C2CD3: variants seen among roughly 807,000 people sequenced by gnomAD.
The protein encoded by C2CD3 is C2 domain-containing protein 3.
C2CD3 carries 148 observed loss-of-function variants against 234.0 expected under a neutral mutation model. The ratio of observed to expected loss-of-function variants is 0.63; its 90% CI spans 0.55 to 0.72. The LOEUF is 0.72. Ranked by LOEUF, C2CD3 falls within the 30% of genes least tolerant of loss-of-function variation. C2CD3 has a pLI of 0.00. For missense variants in C2CD3, 2,577 were observed against 2,811.5 expected (o/e 0.92, Z 1.89); for synonymous variants, 1,000 against 1,035.4 (o/e 0.97, Z 0.66).
At position 74,060,577 on chromosome 11, in the gene C2CD3, T is replaced by C. The variant is rs368048326; in HGVS notation, c.4952-3033A>G. ...GGGTCCTGAAAGTTAGAAGGAAAAC[T>C]AACAAACAGAAAGGACATCCACACC... On this transcript the variant is annotated intron_variant, in intron 24 of 32. Coordinates refer to ENST00000334126, the MANE Select transcript of C2CD3 (RefSeq NM_001286577.2). 4.6e-5 allele frequency among the ~76,000 whole-genome samples: 7 copies of C among 152,224 alleles called. No individual in the cohort carries two copies. The South Asian group carries it at 1.5e-3, about 32-fold the overall frequency.
intron 26 of C2CD3, among the ~76,000 whole-genome samples, chr11:74,049,776 T>A (rs1953584425): frequency 6.6e-6 from 1 of 152,116 alleles, no homozygotes; most frequent in African/African-American, 2.4e-5. Context: ...CTTCATTCTC[T>A]CTCTCTCTCT....
In C2CD3 at chr11:74,098,224, C is replaced by T. The variant is rs745716071; in HGVS notation, c.2764G>A (p.Ala922Thr). ...TCGACAGCAACAACTGGGTACTGGGCATCCAGCAGCAGGCGAGAAATCTTA... is the reference window on the plus strand; with the variant it reads ...TCGACAGCAACAACTGGGTACTGGGTATCCAGCAGCAGGCGAGAAATCTTA... ...DAKISRLLLD[A>T]QYPVVAVDSY... Residue 922 changes from alanine to threonine, a missense_variant, in exon 16 of 33, where the codon GCC (alanine) becomes ACC (threonine). By Grantham distance (58) the Ala-to-Thr change is moderately conservative (BLOSUM62 0). Coordinates refer to ENST00000334126, the MANE Select transcript of C2CD3 (RefSeq NM_001286577.2). 6.2e-7 allele frequency: 1 copy of T among 1,614,078 alleles called. No homozygotes were observed. Among genetic ancestry groups the T allele is most frequent in the South Asian group, 1.1e-5 (1 of 91,074 alleles).
intron 30 of C2CD3, chr11:74,036,584 A>C: frequency 2.2e-6 from 1 of 450,294 alleles, no homozygotes; most frequent in South Asian, 1.6e-5. Flanking sequence ...ATCCCTGTGT[A>C]GAATCTACAC....
At position 74,114,451 on chromosome 11, in the gene C2CD3, G is replaced by C; in HGVS notation, c.1663C>G (p.Pro555Ala). Residue 555 changes from proline to alanine, a missense_variant, in exon 10 of 33, where the codon CCT becomes GCT. Transcript: ENST00000334126. ...IETMGVPPDS[P>A]QMTPGKKSYA... The stretch of plus-strand genomic sequence containing the variant: ...CTTTTTTTGCCAGGGGTCATCTGAG[G>C]ACTATCTGGAGGAACTCCCATGGTT... 2 of 1,614,040 alleles carry C rather than the reference G, an allele frequency of 1.2e-6. No individual in the cohort carries two copies. Among genetic ancestry groups the C allele is most frequent in the Non-Finnish European group, 1.7e-6 (2 of 1,179,956 alleles).
At chr11:74,028,012 G>T (rs1362129747) in intron 32 of C2CD3, among the ~76,000 whole-genome samples, 1 of 152,098 alleles carries the variant, frequency 6.6e-6, no homozygotes, top group Non-Finnish European at 1.5e-5. Flanking sequence ...ACATTTCTTA[G>T]CTGCCTCTTG....
intron 32 of C2CD3, among the ~76,000 whole-genome samples, chr11:74,024,839 T>C (rs377737545): frequency 6.6e-6 from 1 of 152,164 alleles, no homozygotes; most frequent in African/African-American, 2.4e-5. Context: ...GAGAGGCCCA[T>C]CACTAGCCAG....
At chr11:74,056,152 G>A (rs1028582987) in intron 25 of C2CD3, among the ~76,000 whole-genome samples, 2 of 152,164 alleles carry the variant, frequency 1.3e-5, no homozygotes, top group Non-Finnish European at 2.9e-5. Flanking sequence ...CTGAACCTGT[G>A]ACCAACTGCT....
rs200255373 is a variant in C2CD3 at position 74,085,664 on chromosome 11, C to T, written c.3864G>A (p.Glu1288=). 159 of 1,614,134 alleles carry T rather than the reference C, an allele frequency of 9.9e-5. No homozygotes were observed. Among genetic ancestry groups the T allele is most frequent in the Admixed American group, 8.7e-4 (52 of 60,020 alleles). ...GEACFLAELL[E]FAEVIFAVYH... ...AGACAGCAAAAATAACTTCTGCAAACTCCAACAACTCTGCTAGGAAACAGG... is the reference window on the plus strand; with the variant it reads ...AGACAGCAAAAATAACTTCTGCAAATTCCAACAACTCTGCTAGGAAACAGG... Residue 1288 remains glutamate (E), a synonymous_variant, in exon 21 of 33, where the codon GAG becomes GAA. Coordinates refer to ENST00000334126, the MANE Select transcript of C2CD3 (RefSeq NM_001286577.2).
intron 24 of C2CD3, among the ~76,000 whole-genome samples, chr11:74,073,043 G>A (rs921053807): frequency 1.5e-4 from 23 of 152,210 alleles, no homozygotes; most frequent in African/African-American, 4.3e-4. Flanking sequence ...GAAGGGTGAC[G>A]GCAAAGGGGA....
intron 2 of C2CD3, among the ~76,000 whole-genome samples, chr11:74,162,430 A>C (rs1038555797): frequency 5.3e-5 from 8 of 152,192 alleles, no homozygotes; most frequent in Non-Finnish European, 1.0e-4. Flanking sequence ...CATACCTTTA[A>C]AATGTTTTAC....
At chr11:74,031,557 G>A (rs187012079) in intron 31 of C2CD3, among the ~76,000 whole-genome samples, 90 of 152,250 alleles carry the variant, frequency 5.9e-4, no homozygotes, top group African/African-American at 1.8e-3. Context: ...ATGGTCCCTC[G>A]CGTTCTGTCC....
chr11:74,104,438 C>T (rs1262168721), intron 13 of C2CD3, among the ~76,000 whole-genome samples: 3 of 151,758 alleles, frequency 2.0e-5, no homozygotes, highest in Non-Finnish European at 2.9e-5. Flanking sequence ...AAAATATAAA[C>T]TAAAGAATTT....
At chr11:74,153,231 A>AAAACAAAACAAAACAAAACC (rs1311759285) in intron 3 of C2CD3, among the ~76,000 whole-genome samples, 3 of 151,908 alleles carry the variant, frequency 2.0e-5, no homozygotes, top group African/African-American at 7.3e-5. Context: ...AAAACAAAAC[A>AAAACAAAACAAAACAAAACC]AAACAAAACA....
chr11:74,136,275 G>C (rs79748541), intron 5 of C2CD3, among the ~76,000 whole-genome samples: 1 of 152,150 alleles, frequency 6.6e-6, no homozygotes, highest in African/African-American at 2.4e-5. Context: ...AACTCAGACC[G>C]AGTTGAAATC....
chr11:74,040,900 A>ACACACACG (rs1953008076), intron 29 of C2CD3, among the ~76,000 whole-genome samples: 2 of 146,126 alleles, frequency 1.4e-5, no homozygotes, highest in African/African-American at 2.8e-5. Context: ...TCTATCACAC[A>ACACACACG]CACACACGCA....
chr11:74,024,937 C>T (rs182903178), intron 32 of C2CD3, among the ~76,000 whole-genome samples: 18 of 152,124 alleles, frequency 1.2e-4, no homozygotes, highest in Non-Finnish European at 2.5e-4. Context: ...ACTGGTCATC[C>T]GAACCAGGAC....
intron 3 of C2CD3, among the ~76,000 whole-genome samples, chr11:74,150,492 CAAAAAAAAAAA>C (rs769668218): frequency 6.2e-5 from 1 of 16,246 alleles, no homozygotes; most frequent in Non-Finnish European, 1.1e-4. Flanking sequence ...GACCCTGTCT[CAAAAAAAAAAA>C]AAAAAAAAAA....
intron 29 of C2CD3, among the ~76,000 whole-genome samples, chr11:74,040,713 G>A (rs1291558049): frequency 2.0e-5 from 3 of 151,930 alleles, no homozygotes; most frequent in Non-Finnish European, 4.4e-5. Context: ...CCGAGATTGC[G>A]CCACTGCACT....
chr11:74,131,564 T>A (rs17132733), intron 7 of C2CD3, among the ~76,000 whole-genome samples: 2,632 of 151,374 alleles, frequency 0.017, 77 homozygotes, highest in African/African-American at 0.061. Context: ...CAGATCAAAC[T>A]AATTGGAGGT....
Sources: gnomAD v4.1 joint callset for allele counts (sites outside exome capture counted in the v4.1 genomes callset) on GRCh38, gnomAD v4.1.1 for gene constraint, MANE v1.5 for transcripts, NCBI Gene and HGNC (gene_info 2026-07-23, HGNC 2026-07-21) for gene names.